GRID2: variants seen among roughly 807,000 people sequenced by gnomAD.
GRID2 encodes glutamate ionotropic receptor delta type subunit 2.
A neutral mutation model predicts 114.8 loss-of-function variants in GRID2; 33 were observed. That is an observed-to-expected ratio of 0.29 (90% CI 0.22 to 0.38). The LOEUF is 0.38. Among genes scored for constraint, GRID2 ranks in the 10% least tolerant of loss-of-function variants. The probability of loss-of-function intolerance (pLI) is 1.00; values close to 1 mark genes in which losing one functional copy is unlikely to be tolerated. For missense variants in GRID2, 1,184 were observed against 1,257.7 expected (o/e 0.94, Z 0.89); for synonymous variants, 505 against 449.9 (o/e 1.12, Z -1.55).
At chr4:93,618,413 A>G (rs371147349) in intron 13 of GRID2, among the ~76,000 whole-genome samples, 1 of 152,284 alleles carries the variant, frequency 6.6e-6, no homozygotes, top group South Asian at 2.1e-4. Flanking sequence ...GAAGTAGCCT[A>G]GGGACTGGCA....
rs564442548 is a variant in GRID2 at position 92,948,458 on chromosome 4, T to C, written c.245-136537T>C. ...GGGGTAAATACATGCATTATTGTTA[T>C]AGTTACTTTTAGTATTTTAGATTTA... On this transcript the variant is annotated intron_variant, in intron 2 of 15. Transcript: ENST00000282020. Among the ~76,000 whole-genome samples, 16 of 152,048 alleles carry C rather than the reference T, an allele frequency of 1.1e-4. No homozygotes were observed. The East Asian group carries it at 1.4e-3, about 13-fold the overall frequency.
intron 8 of GRID2, among the ~76,000 whole-genome samples, chr4:93,288,611 T>G (rs938983249): frequency 1.3e-5 from 2 of 152,216 alleles, no homozygotes; most frequent in African/African-American, 4.8e-5. Flanking sequence ...TCCTCACCTA[T>G]ATACTTTTTA....
chr4:92,412,443 GACA>G lies in GRID2; in HGVS notation c.88+107703_88+107705del, dbSNP rs1462046895. ...GATACAAAGGAAAGAAAAATAAGAG[GACA>G]ACATTTATATTTTTCTCTAGAAAAC... On this transcript the variant is annotated intron_variant, in intron 1 of 15. Coordinates refer to ENST00000282020, the MANE Select transcript of GRID2 (RefSeq NM_001510.4). Among the ~76,000 whole-genome samples the G allele has an allele frequency of 4.0e-5, 6 of 151,890 alleles. No individual in the cohort carries two copies. In the South Asian group the frequency reaches 1.3e-3, roughly 32 times the overall value.
At chr4:92,591,176 G>A (rs1196966931) in intron 2 of GRID2, among the ~76,000 whole-genome samples, 1 of 152,044 alleles carries the variant, frequency 6.6e-6, no homozygotes, top group East Asian at 1.9e-4. Context: ...TAGGATTAGT[G>A]CCCTTATAAA....
At position 93,694,084 on chromosome 4, in the gene GRID2, A is replaced by T. The variant is rs544564262; in HGVS notation, c.2360+67649A>T. Among the ~76,000 whole-genome samples, 115 of 152,300 alleles carry T rather than the reference A, an allele frequency of 7.6e-4. 1 individual carries two copies. The highest frequency in any genetic ancestry group is 2.7e-3 in the African/African-American group (111 of 41,568). ...ACCATGACGGAAAAGAATAGGGCTA[A>T]AATTTAAATATCAGATAGGGAAGAA... On this transcript the variant is annotated intron_variant, in intron 14 of 15. Coordinates refer to ENST00000282020, the MANE Select transcript of GRID2 (RefSeq NM_001510.4).
Position 93,736,386 on chromosome 4 carries a change from C to T in GRID2, c.2361-32824C>T, listed in dbSNP as rs969949631. Among the ~76,000 whole-genome samples the T allele has an allele frequency of 2.0e-5, 3 of 151,984 alleles. No individual in the cohort carries two copies. In the East Asian group the frequency reaches 5.8e-4, roughly 29 times the overall value. ...TGCATTCTATTATTATCCAATCTTA[C>T]AAGACAAGAAATTGGACCAAATAGA... On this transcript the variant is annotated intron_variant, in intron 14 of 15. Coordinates refer to ENST00000282020, the MANE Select transcript of GRID2 (RefSeq NM_001510.4).
intron 8 of GRID2, among the ~76,000 whole-genome samples, chr4:93,377,608 A>G (rs560837550): frequency 6.6e-6 from 1 of 152,204 alleles, no homozygotes; most frequent in African/African-American, 2.4e-5. Flanking sequence ...GACTTCACAC[A>G]ATAGTGCTTG....
intron 13 of GRID2, among the ~76,000 whole-genome samples, chr4:93,593,675 A>G (rs368918540): frequency 7.2e-5 from 11 of 151,862 alleles, no homozygotes; most frequent in Non-Finnish European, 1.2e-4. Flanking sequence ...CATTCTCCCC[A>G]TCACTTTCAG....
intron 1 of GRID2, among the ~76,000 whole-genome samples, chr4:92,579,754 T>C (rs925847714): frequency 2.0e-5 from 3 of 151,654 alleles, no homozygotes; most frequent in African/African-American, 7.2e-5. Context: ...AAACTTACAG[T>C]GGCAAGCATA....
intron 14 of GRID2, among the ~76,000 whole-genome samples, chr4:93,684,627 G>A (rs1725906864): frequency 6.6e-6 from 1 of 152,088 alleles, no homozygotes; most frequent in Non-Finnish European, 1.5e-5. Context: ...CTCAATGGAT[G>A]ACTAAGAAAC....
intron 2 of GRID2, among the ~76,000 whole-genome samples, chr4:92,928,683 G>A (rs1241566683): frequency 6.6e-6 from 1 of 151,480 alleles, no homozygotes; most frequent in African/African-American, 2.4e-5. Context: ...TAGTACATAG[G>A]TAATTAACCA....
chr4:92,625,509 T>G (rs1400321194), intron 2 of GRID2, among the ~76,000 whole-genome samples: 1 of 151,792 alleles, frequency 6.6e-6, no homozygotes, highest in Admixed American at 6.6e-5. Flanking sequence ...GTGTTTCGAT[T>G]TATACTATGA....
intron 2 of GRID2, among the ~76,000 whole-genome samples, chr4:93,081,669 A>T (rs946402032): frequency 6.6e-6 from 1 of 152,154 alleles, no homozygotes; most frequent in African/African-American, 2.4e-5. Context: ...ATATAGTATA[A>T]ATAAATCACA....
chr4:92,342,485 G>A (rs1385636360), intron 1 of GRID2, among the ~76,000 whole-genome samples: 1 of 152,050 alleles, frequency 6.6e-6, no homozygotes, highest in Non-Finnish European at 1.5e-5. Flanking sequence ...TCTCATCAAT[G>A]GCTCATTTTA....
At chr4:92,568,594 C>T (rs566183700) in intron 1 of GRID2, among the ~76,000 whole-genome samples, 29 of 151,992 alleles carry the variant, frequency 1.9e-4, no homozygotes, top group African/African-American at 6.7e-4. Flanking sequence ...ATTTCAAGTT[C>T]AGGGGTACAT....
intron 1 of GRID2, among the ~76,000 whole-genome samples, chr4:92,443,924 A>G (rs1459779924): frequency 2.6e-5 from 4 of 152,176 alleles, no homozygotes; most frequent in Non-Finnish European, 5.9e-5. Context: ...GATAAAATGT[A>G]TCTCCTTTGT....
intron 7 of GRID2, among the ~76,000 whole-genome samples, chr4:93,235,113 T>G (rs1746621344): frequency 6.6e-6 from 1 of 152,126 alleles, no homozygotes; most frequent in Admixed American, 6.6e-5. Flanking sequence ...TTTTAGAAAC[T>G]CATTATCCAG....
intron 1 of GRID2, among the ~76,000 whole-genome samples, chr4:92,384,451 TA>T (rs1487886848): frequency 3.2e-5 from 1 of 31,700 alleles, no homozygotes; most frequent in South Asian, 8.3e-4. Flanking sequence ...TATATATATA[TA>T]TATATATATA....
intron 2 of GRID2, among the ~76,000 whole-genome samples, chr4:92,934,593 CA>C (rs1370059494): frequency 6.8e-6 from 1 of 146,214 alleles, no homozygotes; most frequent in South Asian, 2.3e-4. Context: ...AATCCTAAGC[CA>C]AAAGAACAAA....
Sources: gnomAD v4.1 joint callset for allele counts (sites outside exome capture counted in the v4.1 genomes callset) on GRCh38, gnomAD v4.1.1 for gene constraint, MANE v1.5 for transcripts, NCBI Gene and HGNC (gene_info 2026-07-23, HGNC 2026-07-21) for gene names.